Variants in INPP4B observed in about 807,000 individuals in gnomAD.
INPP4B encodes the protein inositol polyphosphate 4-phosphatase type II.
A neutral mutation model predicts 122.5 loss-of-function variants in INPP4B; 55 were observed. That is an observed-to-expected ratio of 0.45 (90% CI 0.36 to 0.56). INPP4B has a LOEUF of 0.56. Ranked by LOEUF, INPP4B falls within the 20% of genes least tolerant of loss-of-function variation. The pLI is 0.00. For synonymous variants in INPP4B, 403 were observed against 388.7 expected (o/e 1.04, Z -0.43); for missense variants, 1,000 against 1,097.7 (o/e 0.91, Z 1.26).
chr4:142,533,455 T>TA (rs1310141062), intron 2 of INPP4B, among the ~76,000 whole-genome samples: 3 of 152,068 alleles, frequency 2.0e-5, no homozygotes, highest in Non-Finnish European at 2.9e-5. Context: ...CTAAAATGTA[T>TA]AAAAAATATT....
chr4:142,629,406 T>C (rs995518030), intron 2 of INPP4B, among the ~76,000 whole-genome samples: 8 of 152,074 alleles, frequency 5.3e-5, no homozygotes, highest in African/African-American at 1.9e-4. Flanking sequence ...AAGAATGATA[T>C]TAGCTTCAAC....
intron 25 of INPP4B, among the ~76,000 whole-genome samples, chr4:142,079,691 T>C (rs1318436327): frequency 6.6e-6 from 1 of 152,040 alleles, no homozygotes; most frequent in Non-Finnish European, 1.5e-5. Flanking sequence ...AAAAAACCTA[T>C]TCAGGGATTG....
rs1346699317 is a variant in INPP4B, at chr4:142,478,053, T to C, written c.-190-15327A>G. On this transcript the variant is annotated intron_variant, in intron 2 of 25. Transcript: ENST00000262992. Reference sequence around the variant, plus strand: ...CGTGAGCTCAAGCAATCCGCTCACCTAGGCCTCCCAGTATGCTGGGGTTAT... The same window carrying C: ...CGTGAGCTCAAGCAATCCGCTCACCCAGGCCTCCCAGTATGCTGGGGTTAT... Among the ~76,000 whole-genome samples the C allele has an allele frequency of 2.0e-5, 3 of 152,316 alleles. No homozygotes were observed. In the East Asian group the frequency reaches 5.8e-4, roughly 29 times the overall value.
chr4:142,252,052 G>C (rs943420105), intron 11 of INPP4B, among the ~76,000 whole-genome samples: 1 of 152,184 alleles, frequency 6.6e-6, no homozygotes, highest in Non-Finnish European at 1.5e-5. Context: ...ACTGTTTACC[G>C]CATAGGTGAT....
intron 5 of INPP4B, among the ~76,000 whole-genome samples, chr4:142,419,816 G>A (rs907035373): frequency 6.6e-6 from 1 of 152,062 alleles, no homozygotes; most frequent in East Asian, 1.9e-4. Context: ...CAAGAAGACT[G>A]ACTGACAAAT....
intron 17 of INPP4B, among the ~76,000 whole-genome samples, chr4:142,150,720 G>A (rs769395501): frequency 1.3e-5 from 2 of 152,248 alleles, no homozygotes; most frequent in Admixed American, 6.5e-5. Flanking sequence ...GTTGATGGAC[G>A]TCGCCAGGGG....
intron 9 of INPP4B, among the ~76,000 whole-genome samples, chr4:142,285,752 T>C (rs1489173443): frequency 6.6e-6 from 1 of 151,926 alleles, no homozygotes; most frequent in East Asian, 1.9e-4. Context: ...AGAAGGATGA[T>C]CCGCCATGCA....
chr4:142,073,671 A>G (rs1485682202), intron 25 of INPP4B, among the ~76,000 whole-genome samples: 1 of 152,112 alleles, frequency 6.6e-6, no homozygotes, highest in Non-Finnish European at 1.5e-5. Flanking sequence ...GAATTCATGG[A>G]TATCATTGGC....
chr4:142,032,924 T>C (rs1027961918), intron 25 of INPP4B, among the ~76,000 whole-genome samples: 2 of 150,022 alleles, frequency 1.3e-5, no homozygotes, highest in Admixed American at 6.6e-5. Context: ...AATTAGTATG[T>C]TCCCTCCTGC....
chr4:142,414,691 C>T (rs1003188365), intron 5 of INPP4B, among the ~76,000 whole-genome samples: 4 of 152,156 alleles, frequency 2.6e-5, no homozygotes, highest in Non-Finnish European at 4.4e-5. Context: ...GGCTGAGACT[C>T]CATCCTCAAG....
chr4:142,513,287 T>G (rs1005131599), intron 2 of INPP4B, among the ~76,000 whole-genome samples: 9 of 152,120 alleles, frequency 5.9e-5, no homozygotes, highest in Non-Finnish European at 8.8e-5. Context: ...TTCTCACAGT[T>G]CTGGGGTGTG....
chr4:142,191,231 G>A (rs979222289), intron 15 of INPP4B, among the ~76,000 whole-genome samples: 2 of 152,062 alleles, frequency 1.3e-5, no homozygotes, highest in Non-Finnish European at 2.9e-5. Flanking sequence ...TGAGTTCCAC[G>A]GGATTTTTCT....
chr4:142,798,539 C>G (rs1777576438), intron 1 of INPP4B, among the ~76,000 whole-genome samples: 1 of 151,606 alleles, frequency 6.6e-6, no homozygotes, highest in Non-Finnish European at 1.5e-5. Context: ...GCTAATACCC[C>G]CCAAACATGA....
rs1018164444 is a variant in INPP4B, at chr4:142,559,815, A to T, written c.-190-97089T>A. 1.2e-4 allele frequency among the ~76,000 whole-genome samples: 18 copies of T among 152,238 alleles called. 1 individual carries two copies. The highest frequency in any genetic ancestry group is 7.3e-5 in the Non-Finnish European group (5 of 68,046). ...TATACTAAAAATAATAAGAAGAGAA[A>T]GCCATTGAATTTCCCTTTATTCTTG... On this transcript the variant is annotated intron_variant, in intron 2 of 25. Transcript: ENST00000262992.
intron 1 of INPP4B, among the ~76,000 whole-genome samples, chr4:142,840,160 T>C (rs995483303): frequency 6.6e-6 from 1 of 152,208 alleles, no homozygotes; most frequent in African/African-American, 2.4e-5. Flanking sequence ...TGATTCAATT[T>C]GGTCACTGGT....
intron 14 of INPP4B, among the ~76,000 whole-genome samples, chr4:142,203,014 AT>A (rs1841322299): frequency 1.3e-5 from 2 of 152,132 alleles, no homozygotes; most frequent in South Asian, 4.1e-4. Flanking sequence ...TTAGAGTTAA[AT>A]TCAGAAGGAG....
At chr4:142,721,482 G>A (rs1764671505) in intron 2 of INPP4B, among the ~76,000 whole-genome samples, 1 of 152,112 alleles carries the variant, frequency 6.6e-6, no homozygotes, top group Non-Finnish European at 1.5e-5. Flanking sequence ...TTCCTACAGT[G>A]GTGTTATAAA....
rs190874482 is a variant in INPP4B at position 142,070,649 on chromosome 4, C to T, written c.2642+11382G>A. ...GCAACTTCAGCAAAGTCTCAAGATA[C>T]AAAATCAATGTGCAAAAATCACAAG... is the stretch of plus-strand genomic sequence containing the variant. On this transcript the variant is annotated intron_variant, in intron 25 of 25. Transcript: ENST00000262992. Among the ~76,000 whole-genome samples the T allele has an allele frequency of 2.0e-5, 3 of 152,260 alleles. No individual in the cohort carries two copies. The East Asian group carries it at 5.8e-4, about 29-fold the overall frequency.
chr4:142,132,617 T>C (rs1466801936), intron 18 of INPP4B, among the ~76,000 whole-genome samples: 1 of 152,210 alleles, frequency 6.6e-6, no homozygotes, highest in Non-Finnish European at 1.5e-5. Flanking sequence ...GAGGATGAAC[T>C]GTTGTCTAGC....
Sources: allele counts gnomAD v4.1 joint callset (sites outside exome capture counted in the v4.1 genomes callset), GRCh38; gene constraint gnomAD v4.1.1; transcripts MANE v1.5; gene names NCBI Gene and HGNC (gene_info 2026-07-23, HGNC 2026-07-21).